TTC27: variants seen among roughly 807,000 people sequenced by gnomAD.
The protein encoded by TTC27 is tetratricopeptide repeat domain 27.
TTC27 carries 79 observed loss-of-function variants against 115.9 expected under a neutral mutation model. The ratio of observed to expected loss-of-function variants is 0.68; its 90% CI spans 0.57 to 0.82. The LOEUF is 0.82. Ranked by LOEUF, TTC27 falls within the 40% of genes least tolerant of loss-of-function variation. TTC27 has a pLI of 0.00. For synonymous variants in TTC27, 401 were observed against 356.0 expected, an observed-to-expected ratio of 1.13 and a Z score of -1.42; for missense variants, 1,054 against 993.1, an observed-to-expected ratio of 1.06 and a Z score of -0.82.
chr2:32,696,229 G>A (rs75050657), intron 9 of TTC27, among the ~76,000 whole-genome samples: 25,420 of 151,646 alleles, frequency 0.17, 2,602 homozygotes, highest in South Asian at 0.33. Flanking sequence ...CCTTTTTAAA[G>A]CGGATTGATA....
chr2:32,671,652 T>G (rs1666019493), intron 7 of TTC27, among the ~76,000 whole-genome samples: 1 of 152,214 alleles, frequency 6.6e-6, no homozygotes, highest in East Asian at 1.9e-4. Context: ...TTTTAAAAAT[T>G]GTTTTGGTTA....
intron 10 of TTC27, among the ~76,000 whole-genome samples, chr2:32,712,728 A>G (rs1007505439): frequency 1.3e-5 from 2 of 151,684 alleles, no homozygotes; most frequent in Non-Finnish European, 2.9e-5. Flanking sequence ...TGTATTTTTT[A>G]TAGAGACAAG....
chr2:32,652,497 G>C (rs931796749), intron 5 of TTC27, among the ~76,000 whole-genome samples: 2 of 152,102 alleles, frequency 1.3e-5, no homozygotes, highest in Non-Finnish European at 2.9e-5. Flanking sequence ...TAAGATAGCT[G>C]GAAAATGTGA....
chr2:32,800,646 C>A (rs745984616), intron 16 of TTC27, among the ~76,000 whole-genome samples: 1 of 151,848 alleles, frequency 6.6e-6, no homozygotes, highest in Non-Finnish European at 1.5e-5. Flanking sequence ...TACAGGCATG[C>A]GCCACTATGC....
chr2:32,633,781 AT>A (rs1664306797), intron 2 of TTC27, 94 bp from the exon 3 acceptor site: 1 of 1,374,364 alleles, frequency 7.3e-7, no homozygotes, highest in Admixed American at 2.1e-5. Context: ...GTTGATAGAT[AT>A]TATTTTCTTA....
chr2:32,810,415 C>T (rs560045966), intron 16 of TTC27, among the ~76,000 whole-genome samples: 3 of 152,160 alleles, frequency 2.0e-5, no homozygotes, highest in African/African-American at 7.2e-5. Context: ...GAAAATCAAA[C>T]AAATCAACAT....
At chr2:32,705,773 A>G (rs1572533063) in intron 10 of TTC27, among the ~76,000 whole-genome samples, 3 of 151,970 alleles carry the variant, frequency 2.0e-5, no homozygotes, top group South Asian at 4.2e-4. Flanking sequence ...AGGCTGGTCT[A>G]GAACTCCTGA....
chr2:32,640,721 G>A (rs1276102639), intron 4 of TTC27, among the ~76,000 whole-genome samples: 4 of 152,048 alleles, frequency 2.6e-5, no homozygotes, highest in African/African-American at 9.7e-5. Context: ...GGTGGCTCAC[G>A]TCTGTAATCC....
chr2:32,719,164 A>C (rs1392707194), intron 10 of TTC27, among the ~76,000 whole-genome samples: 1 of 152,206 alleles, frequency 6.6e-6, no homozygotes, highest in Non-Finnish European at 1.5e-5. Flanking sequence ...AGTCTGGAAT[A>C]CAGGGTCACC....
chr2:32,646,690 A>G (rs561222364), intron 4 of TTC27, among the ~76,000 whole-genome samples: 1 of 150,574 alleles, frequency 6.6e-6, no homozygotes, highest in East Asian at 2.0e-4. Flanking sequence ...CAGCCCCCCA[A>G]GTAGCTGGGA....
At chr2:32,727,736 TTTTTG>T (rs1381282853) in intron 10 of TTC27, among the ~76,000 whole-genome samples, 1 of 152,188 alleles carries the variant, frequency 6.6e-6, no homozygotes. Context: ...TTTTCAAGAC[TTTTTG>T]TTTTGTTTTG....
rs1029471223 is a variant in TTC27, at chr2:32,730,623, T to A, written c.1234-3205T>A. 1.2e-4 allele frequency among the ~76,000 whole-genome samples: 5 copies of A among 40,502 alleles called. 1 individual carries two copies. The highest frequency in any genetic ancestry group is 1.1e-3 in the South Asian group (2 of 1,752). The allele number at this position is 40,502 out of a possible 152,430, so 26.6% of individuals were successfully genotyped here. A position where few individuals can be genotyped will look rare whatever the true frequency, so the allele number is the denominator to read the frequency against. On this transcript the variant is annotated intron_variant, in intron 10 of 19. Transcript: ENST00000317907. ...AGTACACCTATCAAGACTTTCTTAT[T>A]TTTTTTTTTTTTTTTCTTGAGACAG...
At chr2:32,696,354 A>G (rs1356449076) in intron 9 of TTC27, among the ~76,000 whole-genome samples, 1 of 150,800 alleles carries the variant, frequency 6.6e-6, no homozygotes, top group Non-Finnish European at 1.5e-5. Context: ...CAGTGGTGCA[A>G]TCTCGGCTCA....
chr2:32,758,257 C>G, intron 12 of TTC27, 35 bp from the exon 13 acceptor site: 1 of 1,592,108 alleles, frequency 6.3e-7, no homozygotes, highest in Non-Finnish European at 8.6e-7. Flanking sequence ...CAGTTAATCA[C>G]TCTTAAGCAA....
chr2:32,787,013 C>T lies in TTC27; in HGVS notation c.1862C>T (p.Ala621Val). The T allele has an allele frequency of 1.9e-6, 3 of 1,613,372 alleles. No individual in the cohort carries two copies. The highest frequency in any genetic ancestry group is 2.5e-6 in the Non-Finnish European group (3 of 1,179,810). The change falls in exon 16 of 20, where the codon GCT (alanine) becomes GTT (valine). Residue 621 changes from alanine to valine, a missense_variant. Physicochemically the swap from Ala to Val is moderately conservative, Grantham distance 64. Transcript: ENST00000317907. ...KVKAFRTLQE[A>V]LKCNYEHWQI... Reference sequence around the variant, plus strand: ...AAAGCTTTTAGAACTTTACAAGAAGCTCTCAAGTGTAACTATGAACACTGG... The same window carrying T: ...AAAGCTTTTAGAACTTTACAAGAAGTTCTCAAGTGTAACTATGAACACTGG...
intron 9 of TTC27, among the ~76,000 whole-genome samples, chr2:32,692,039 T>TTTTTTTTTG (rs1666835445): frequency 1.4e-5 from 1 of 73,194 alleles, no homozygotes; most frequent in Non-Finnish European, 2.5e-5. Context: ...TTTTTAGGTT[T>TTTTTTTTTG]TTTTTTTTTT....
intron 5 of TTC27, among the ~76,000 whole-genome samples, chr2:32,656,304 G>A (rs948010858): frequency 2.6e-5 from 4 of 152,138 alleles, no homozygotes; most frequent in Non-Finnish European, 5.9e-5. Flanking sequence ...TAAGGAATGA[G>A]GGAGAGAATG....
At chr2:32,657,347 G>GTCTT (rs1253614970) in intron 5 of TTC27, among the ~76,000 whole-genome samples, 1 of 145,396 alleles carries the variant, frequency 6.9e-6, no homozygotes, top group East Asian at 2.1e-4. Flanking sequence ...GAAAAACACT[G>GTCTT]TCTTTCTTTT....
At chr2:32,657,207 G>A (rs1172065217) in intron 5 of TTC27, among the ~76,000 whole-genome samples, 5 of 151,800 alleles carry the variant, frequency 3.3e-5, no homozygotes, top group South Asian at 2.1e-4. Flanking sequence ...GGATGGTCTC[G>A]ATCTCCTGAC....
Sources: allele counts gnomAD v4.1 joint callset (sites outside exome capture counted in the v4.1 genomes callset), GRCh38; gene constraint gnomAD v4.1.1; transcripts MANE v1.5; gene names NCBI Gene and HGNC (gene_info 2026-07-23, HGNC 2026-07-21).